TSNARE1: variants seen among roughly 807,000 people sequenced by gnomAD.
TSNARE1 encodes the protein t-SNARE domain containing 1.
A neutral mutation model predicts 62.0 loss-of-function variants in TSNARE1; 49 were observed. That is an observed-to-expected ratio of 0.79 (90% CI 0.63 to 1.00). The LOEUF (loss-of-function observed/expected upper bound fraction) is 1.00. Ranked by LOEUF, TSNARE1 falls within the 50% of genes least tolerant of loss-of-function variation. The probability of loss-of-function intolerance (pLI) is 0.00; values close to 1 mark genes in which losing one functional copy is unlikely to be tolerated. For missense variants in TSNARE1, 755 were observed against 700.1 expected (o/e 1.08, Z -0.88); for synonymous variants, 328 against 294.4 (o/e 1.11, Z -1.17).
At chr8:142,278,294 G>C (rs1473610218) in intron 11 of TSNARE1, 5 of 985,322 alleles carry the variant, frequency 5.1e-6, no homozygotes, top group Non-Finnish European at 4.8e-6. Context: ...CTGTGAGCAG[G>C]AGCAGCTGAG....
chr8:142,401,716 T>C (rs1186582991), intron 1 of TSNARE1, among the ~76,000 whole-genome samples: 1 of 152,000 alleles, frequency 6.6e-6, no homozygotes, highest in African/African-American at 2.4e-5. Flanking sequence ...GAAACAGAGG[T>C]GACCCAGCCA....
At chr8:142,231,654 G>A (rs974587769) in intron 12 of TSNARE1, among the ~76,000 whole-genome samples, 8 of 152,158 alleles carry the variant, frequency 5.3e-5, no homozygotes, top group Non-Finnish European at 7.4e-5. Context: ...CACCAGCATC[G>A]TCCCAGTCAG....
chr8:142,214,172 G>A (rs1418731397), intron 13 of TSNARE1, among the ~76,000 whole-genome samples: 8 of 152,146 alleles, frequency 5.3e-5, no homozygotes, highest in Non-Finnish European at 1.0e-4. Flanking sequence ...CGCTGGGTGC[G>A]GCCCGCCTGG....
intron 7 of TSNARE1, among the ~76,000 whole-genome samples, chr8:142,317,859 G>GA (rs1425888958): frequency 6.6e-6 from 1 of 152,210 alleles, no homozygotes; most frequent in African/African-American, 2.4e-5. Context: ...TCAGGAGGCT[G>GA]AGGCATGAGA....
At position 142,333,547 on chromosome 8, in the gene TSNARE1, G is replaced by A. The variant is rs554628002; in HGVS notation, c.746-1716C>T. ...TGTCTGGGCTGCCCTGAGGTGGCCCGGCATGAAGGGACACAGCACCCCTGG... is the reference window on the plus strand; with the variant it reads ...TGTCTGGGCTGCCCTGAGGTGGCCCAGCATGAAGGGACACAGCACCCCTGG... On this transcript the variant is annotated intron_variant, in intron 4 of 13. Coordinates refer to ENST00000524325, the MANE Select transcript of TSNARE1 (RefSeq NM_145003.5). Among the ~76,000 whole-genome samples, 188 of 152,326 alleles carry A rather than the reference G, an allele frequency of 1.2e-3. 1 individual carries two copies. The highest frequency in any genetic ancestry group is 4.3e-3 in the African/African-American group (179 of 41,574).
chr8:142,272,788 G>C, intron 12 of TSNARE1: 1 of 957,416 alleles, frequency 1.0e-6, no homozygotes, highest in Non-Finnish European at 1.2e-6. Context: ...CAGACACCTG[G>C]TCCCTCCTGA....
chr8:142,364,238 G>A (rs1297212986), intron 1 of TSNARE1, among the ~76,000 whole-genome samples: 5 of 152,178 alleles, frequency 3.3e-5, no homozygotes, highest in Non-Finnish European at 7.3e-5. Context: ...CATGAGCTAC[G>A]GAGGAAGAGA....
In TSNARE1 at chr8:142,270,187, C is replaced by T. The variant is rs561711806; in HGVS notation, c.1446+4594G>A. 22 of 985,360 alleles carry T rather than the reference C, an allele frequency of 2.2e-5. No homozygotes were observed. In the East Asian group the frequency reaches 1.1e-3, roughly 51 times the overall value. 61.0% of individuals were successfully genotyped at this position (985,360 alleles called of 1,614,324 possible). ...TGGGGGGCTGCAGACTGTGCCCTGC[C>T]GCGCAGGGACTGGAGATGTGGCAGC... On this transcript the variant is annotated intron_variant, in intron 12 of 13. Transcript: ENST00000524325.
chr8:142,277,188 C>T (rs1344687068), intron 11 of TSNARE1: 9 of 985,264 alleles, frequency 9.1e-6, no homozygotes, highest in Non-Finnish European at 9.6e-6. Context: ...CTCCTCCCAA[C>T]ACAGGGGGTG....
intron 13 of TSNARE1, among the ~76,000 whole-genome samples, chr8:142,215,230 G>T (rs908324805): frequency 2.6e-5 from 4 of 152,206 alleles, no homozygotes; most frequent in African/African-American, 9.6e-5. Context: ...CAGAGTGACT[G>T]CCAGACCAGG....
chr8:142,330,257 C>A (rs1830821051), intron 6 of TSNARE1, among the ~76,000 whole-genome samples: 1 of 152,324 alleles, frequency 6.6e-6, no homozygotes, highest in Admixed American at 6.5e-5. Flanking sequence ...GAGTGCCACT[C>A]TAACCACACC....
rs1831707222 is a variant in TSNARE1 at position 142,336,037 on chromosome 8, C to A, written c.746-4206G>T. ...GCGGCTCATGCCTGTAATCCCAACACTTTCCGAGGCTAAGATAGGAGGATC... is the reference window on the plus strand; with the variant it reads ...GCGGCTCATGCCTGTAATCCCAACAATTTCCGAGGCTAAGATAGGAGGATC... On this transcript the variant is annotated intron_variant, in intron 4 of 13. Coordinates refer to ENST00000524325, the MANE Select transcript of TSNARE1 (RefSeq NM_145003.5). Among the ~76,000 whole-genome samples, 3 of 152,178 alleles carry A rather than the reference C, an allele frequency of 2.0e-5. No homozygotes were observed. The South Asian group carries it at 6.2e-4, about 31-fold the overall frequency.
At chr8:142,258,454 C>A (rs188768127) in intron 12 of TSNARE1, among the ~76,000 whole-genome samples, 6 of 150,674 alleles carry the variant, frequency 4.0e-5, no homozygotes, top group African/African-American at 1.5e-4. Flanking sequence ...TCAGTTGGGA[C>A]CCAGTCAGCT....
At chr8:142,368,386 G>A (rs892217073) in intron 1 of TSNARE1, among the ~76,000 whole-genome samples, 1 of 152,174 alleles carries the variant, frequency 6.6e-6, no homozygotes, top group Non-Finnish European at 1.5e-5. Context: ...ATTTATACTG[G>A]TTCGGAGAGT....
At chr8:142,259,044 A>T (rs1393673416) in intron 12 of TSNARE1, among the ~76,000 whole-genome samples, 1 of 152,202 alleles carries the variant, frequency 6.6e-6, no homozygotes, top group Non-Finnish European at 1.5e-5. Context: ...ATCCAGCCAC[A>T]GTCACGCTGC....
chr8:142,257,112 G>A (rs1223143843), intron 12 of TSNARE1, among the ~76,000 whole-genome samples: 1 of 152,170 alleles, frequency 6.6e-6, no homozygotes, highest in African/African-American at 2.4e-5. Context: ...ACACCCTGAC[G>A]TGGGGCGGTG....
intron 12 of TSNARE1, chr8:142,273,133 G>A (rs949192782): frequency 6.1e-5 from 60 of 985,280 alleles, no homozygotes; most frequent in Middle Eastern, 5.2e-4. Flanking sequence ...AATGCGGCAC[G>A]GCGTCCATGG....
At position 142,222,911 on chromosome 8, in the gene TSNARE1, CTCAT is replaced by C. The variant is rs1186857496; in HGVS notation, c.*11+6558_*11+6561del. Reference sequence around the variant, plus strand: ...ACTCACTCATTCACTTACTCATCCACTCATTCACTCATTCACTCATCCACTCATT... The same window carrying C: ...ACTCACTCATTCACTTACTCATCCACTCACTCATTCACTCATCCACTCATT... On this transcript the variant is annotated intron_variant, in intron 13 of 13. Transcript: ENST00000524325. Among the ~76,000 whole-genome samples the C allele has an allele frequency of 8.4e-4, 96 of 114,306 alleles. 1 individual carries two copies. The highest frequency in any genetic ancestry group is 5.0e-3 in the Middle Eastern group (1 of 200). 75.0% of individuals were successfully genotyped at this position (114,306 alleles called of 152,430 possible). A position where few individuals can be genotyped will look rare whatever the true frequency, so the allele number is the denominator to read the frequency against.
At chr8:142,348,263 G>A (rs1402851710) in intron 2 of TSNARE1, among the ~76,000 whole-genome samples, 1 of 152,252 alleles carries the variant, frequency 6.6e-6, no homozygotes, top group Non-Finnish European at 1.5e-5. Flanking sequence ...CGGGTCACTA[G>A]AGAGCCTTCG....
Sources: allele counts gnomAD v4.1 joint callset (sites outside exome capture counted in the v4.1 genomes callset), GRCh38; gene constraint gnomAD v4.1.1; transcripts MANE v1.5; gene names NCBI Gene and HGNC (gene_info 2026-07-23, HGNC 2026-07-21).